Variants in SNX29 observed in about 807,000 individuals in gnomAD.
The protein encoded by SNX29 is sorting nexin 29.
Under a neutral mutation model 102.1 loss-of-function variants are expected in SNX29, and 78 were observed. That is an observed-to-expected ratio of 0.76 (90% CI 0.64 to 0.92). SNX29 has a LOEUF of 0.92. SNX29 is among the 40% of genes least tolerant of loss of function. SNX29 has a pLI of 0.00. For missense variants in SNX29, 1,280 were observed against 1,061.7 expected (o/e 1.21, Z -2.86); for synonymous variants, 580 against 414.5 (o/e 1.40, Z -4.85).
chr16:12,531,702 C>G (rs149858067), intron 20 of SNX29, among the ~76,000 whole-genome samples: 5 of 152,002 alleles, frequency 3.3e-5, no homozygotes, highest in African/African-American at 9.7e-5. Flanking sequence ...GTCAAGGGGA[C>G]AAGGAGGGGA....
intron 18 of SNX29, among the ~76,000 whole-genome samples, chr16:12,425,949 C>G (rs1315755613): frequency 1.3e-5 from 2 of 152,116 alleles, no homozygotes; most frequent in African/African-American, 4.8e-5. Flanking sequence ...GCAGACAGAA[C>G]CATCACCCAG....
intron 18 of SNX29, among the ~76,000 whole-genome samples, chr16:12,417,506 C>T (rs571294851): frequency 2.0e-5 from 3 of 152,154 alleles, no homozygotes; most frequent in African/African-American, 7.2e-5. Flanking sequence ...CTTCTCTTTG[C>T]TCCCCGCTTT....
intron 15 of SNX29, among the ~76,000 whole-genome samples, chr16:12,290,601 A>G (rs956393368): frequency 6.6e-6 from 1 of 152,206 alleles, no homozygotes; most frequent in Non-Finnish European, 1.5e-5. Context: ...TGGTTGCAGA[A>G]TAAAAAAACT....
intron 11 of SNX29, among the ~76,000 whole-genome samples, chr16:12,079,417 G>A (rs1374712495): frequency 6.6e-6 from 1 of 152,174 alleles, no homozygotes; most frequent in Non-Finnish European, 1.5e-5. Flanking sequence ...CAACTGTTAT[G>A]TAAACTGACG....
intron 16 of SNX29, among the ~76,000 whole-genome samples, chr16:12,362,626 C>T (rs1441352355): frequency 7.2e-6 from 1 of 139,836 alleles, no homozygotes. Context: ...CCCTGTGCTG[C>T]CCCCCACCCA....
At chr16:12,321,996 C>T (rs1204189615) in intron 15 of SNX29, among the ~76,000 whole-genome samples, 1 of 152,108 alleles carries the variant, frequency 6.6e-6, no homozygotes, top group Non-Finnish European at 1.5e-5. Context: ...ATGGTGAAGT[C>T]CAGGTAAGGG....
At position 12,356,109 on chromosome 16, in the gene SNX29, G is replaced by A. The variant is rs546096276; in HGVS notation, c.1783-54G>A. On this transcript the variant is annotated intron_variant, in intron 15 of 20. Coordinates refer to ENST00000566228, the MANE Select transcript of SNX29 (RefSeq NM_032167.5). ...AGGAGAGTCCAGAGAAGGCGGGATTGGTCCCTGGGGAATGTCTGCCTCTAA... is the reference window on the plus strand; with the variant it reads ...AGGAGAGTCCAGAGAAGGCGGGATTAGTCCCTGGGGAATGTCTGCCTCTAA... 2.0e-6 allele frequency: 3 copies of A among 1,527,968 alleles called. No individual in the cohort carries two copies. In the South Asian group the frequency reaches 3.5e-5, roughly 18 times the overall value. 94.7% of individuals were successfully genotyped at this position (1,527,968 alleles called of 1,614,324 possible).
intron 15 of SNX29, among the ~76,000 whole-genome samples, chr16:12,350,136 C>T (rs1032846136): frequency 6.6e-6 from 1 of 152,190 alleles, no homozygotes; most frequent in Non-Finnish European, 1.5e-5. Context: ...GTGTGTGGCA[C>T]TTGCTGTGTC....
intron 13 of SNX29, among the ~76,000 whole-genome samples, chr16:12,150,042 A>G (rs1264207944): frequency 6.6e-6 from 1 of 152,132 alleles, no homozygotes; most frequent in Non-Finnish European, 1.5e-5. Context: ...GGTTTCTGCA[A>G]GGGTGGCCTG....
In SNX29 at chr16:12,520,707, G is replaced by A. The variant is rs117459280; in HGVS notation, c.2179-3995G>A. Among the ~76,000 whole-genome samples, 39 of 152,274 alleles carry A rather than the reference G, an allele frequency of 2.6e-4. No homozygotes were observed. The East Asian group carries it at 6.9e-3, about 27-fold the overall frequency. ...TGAAGTAACTCAGGAATGGAAAACC[G>A]AATCCCGTGTGTTCTCACTTATAAG... On this transcript the variant is annotated intron_variant, in intron 19 of 20. Transcript: ENST00000566228.
At chr16:12,565,342 C>T (rs1035005863) in intron 20 of SNX29, among the ~76,000 whole-genome samples, 23 of 152,344 alleles carry the variant, frequency 1.5e-4, no homozygotes, top group African/African-American at 5.3e-4. Flanking sequence ...GGTTTTCCAT[C>T]TGTCACGCAC....
chr16:12,399,707 C>G (rs2083864372), intron 17 of SNX29, among the ~76,000 whole-genome samples: 1 of 151,928 alleles, frequency 6.6e-6, no homozygotes, highest in East Asian at 1.9e-4. Flanking sequence ...CGGGGCTATT[C>G]ATGTTGGGGC....
intron 11 of SNX29, among the ~76,000 whole-genome samples, chr16:12,116,176 C>T (rs2053693038): frequency 6.6e-6 from 1 of 152,204 alleles, no homozygotes; most frequent in Non-Finnish European, 1.5e-5. Context: ...GGAATTACCG[C>T]ATGTCCCTGT....
intron 15 of SNX29, among the ~76,000 whole-genome samples, chr16:12,355,859 A>T (rs2082117632): frequency 1.3e-5 from 2 of 149,984 alleles, no homozygotes; most frequent in African/African-American, 2.4e-5. Context: ...AAAAAAAAAA[A>T]AAAAAAAAAA....
chr16:11,981,089 TCTGGAGTAGCTGGGACTA>T (rs1314686095), intron 1 of SNX29, among the ~76,000 whole-genome samples: 1 of 151,930 alleles, frequency 6.6e-6, no homozygotes, highest in African/African-American at 2.4e-5. Context: ...TGCCTCAGCC[TCTGGAGTAGCTGGGACTA>T]CAGGTGCACA....
intron 13 of SNX29, among the ~76,000 whole-genome samples, chr16:12,163,161 C>T (rs562443944): frequency 7.2e-5 from 11 of 152,296 alleles, no homozygotes; most frequent in South Asian, 6.2e-4. Flanking sequence ...GGATTACAGG[C>T]GTGAGCCACT....
At chr16:12,452,144 G>C (rs527592667) in intron 18 of SNX29, among the ~76,000 whole-genome samples, 1 of 152,320 alleles carries the variant, frequency 6.6e-6, no homozygotes, top group East Asian at 1.9e-4. Context: ...AACAGCTGTA[G>C]GGAGCTCAGT....
intron 4 of SNX29, 34 bp downstream of exon 4, chr16:12,027,478 T>C (rs749429384): frequency 6.2e-7 from 1 of 1,610,758 alleles, no homozygotes; most frequent in Admixed American, 1.7e-5. Flanking sequence ...TTGGAGGAGC[T>C]TGTCTTCCTT....
intron 13 of SNX29, among the ~76,000 whole-genome samples, chr16:12,135,113 A>C (rs900167471): frequency 6.6e-6 from 1 of 152,058 alleles, no homozygotes; most frequent in African/African-American, 2.4e-5. Context: ...TTTTTCTTCT[A>C]CTCAGGCCCT....
Sources: allele counts gnomAD v4.1 joint callset (sites outside exome capture counted in the v4.1 genomes callset), GRCh38; gene constraint gnomAD v4.1.1; transcripts MANE v1.5; gene names NCBI Gene and HGNC (gene_info 2026-07-23, HGNC 2026-07-21).